The following DNAJC13 variants were observed in gnomAD, a reference collection of about 807,000 sequenced individuals.
The protein encoded by DNAJC13 is DnaJ heat shock protein family (Hsp40) member C13, also known as dnaJ homolog subfamily C member 13.
DNAJC13 carries 75 observed loss-of-function variants against 290.5 expected under a neutral mutation model. That is an observed-to-expected ratio of 0.26 (90% CI 0.21 to 0.31). DNAJC13 has a LOEUF of 0.31. DNAJC13 is among the 10% of genes least tolerant of loss of function. The pLI is 1.00. For synonymous variants in DNAJC13, 862 were observed against 892.0 expected (o/e 0.97, Z 0.60); for missense variants, 2,260 against 2,674.5 (o/e 0.85, Z 3.42).
At chr3:132,420,500 G>T (rs574469795) in intron 1 of DNAJC13, among the ~76,000 whole-genome samples, 2 of 152,164 alleles carry the variant, frequency 1.3e-5, no homozygotes, top group African/African-American at 4.8e-5. Context: ...TGAGATTCAG[G>T]AACACAGTGT....
intron 48 of DNAJC13, 148 bp from the exon 49 acceptor site, chr3:132,522,680 T>C (rs1358907146): frequency 1.6e-6 from 1 of 625,656 alleles, no homozygotes; most frequent in Non-Finnish European, 2.6e-6. Context: ...GATTATCTTT[T>C]TCACTCCAGA....
At chr3:132,466,429 G>C (rs1318632000) in intron 19 of DNAJC13, 35 bp downstream of exon 19, 9 of 1,524,004 alleles carry the variant, frequency 5.9e-6, no homozygotes, top group Middle Eastern at 1.8e-4. Flanking sequence ...CCTTTTTTAG[G>C]AGTAAGGGTA....
intron 48 of DNAJC13, among the ~76,000 whole-genome samples, chr3:132,518,477 C>G (rs1232401237): frequency 2.0e-5 from 3 of 152,116 alleles, no homozygotes; most frequent in Non-Finnish European, 2.9e-5. Flanking sequence ...CTCAGCCTCC[C>G]AAGTAGCTGG....
At chr3:132,451,819 G>T (rs1259600421) in intron 6 of DNAJC13, among the ~76,000 whole-genome samples, 1 of 152,172 alleles carries the variant, frequency 6.6e-6, no homozygotes, top group Non-Finnish European at 1.5e-5. Flanking sequence ...AATGATGGGG[G>T]CTAGATAATC....
chr3:132,489,772 G>A (rs1189080612), intron 31 of DNAJC13, among the ~76,000 whole-genome samples: 4 of 151,968 alleles, frequency 2.6e-5, no homozygotes, highest in Admixed American at 2.6e-4. Flanking sequence ...TAACCCATTT[G>A]TCTAATATTA....
At chr3:132,471,307 T>C (rs1452558808) in intron 20 of DNAJC13, among the ~76,000 whole-genome samples, 1 of 117,444 alleles carries the variant, frequency 8.5e-6, no homozygotes, top group African/African-American at 3.3e-5. Context: ...ACCCCCCACC[T>C]CCCTCCCGGA....
At chr3:132,424,445 C>T (rs575554249) in intron 1 of DNAJC13, among the ~76,000 whole-genome samples, 70 of 152,200 alleles carry the variant, frequency 4.6e-4, no homozygotes, top group African/African-American at 1.6e-3. Context: ...GTCCCCTCCT[C>T]CCATTAAGTG....
Position 132,453,313 on chromosome 3 carries a change from G to C in DNAJC13, c.553G>C (p.Glu185Gln). Reference protein sequence around the residue: ...GFSRLHLFASEQREEIIKSAI... With the variant: ...GFSRLHLFASQQREEIIKSAI... ...ATTTGTGCAGCATTTATTTGCGTCA[G>C]AGCAAAGAGAAGAGATTATTAAAAG... Residue 185 changes from glutamate (E) to glutamine (Q), a missense_variant, in exon 7 of 56, where the codon GAG (glutamate) becomes CAG (glutamine). Glu to Gln is a conservative substitution (Grantham distance 29, BLOSUM62 2). Transcript: ENST00000260818. 6.2e-7 allele frequency: 1 copy of C among 1,613,348 alleles called. No individual in the cohort carries two copies. The highest frequency in any genetic ancestry group is 8.5e-7 in the Non-Finnish European group (1 of 1,179,734).
At chr3:132,500,512 T>C (rs372057545) in intron 38 of DNAJC13, among the ~76,000 whole-genome samples, 1 of 152,174 alleles carries the variant, frequency 6.6e-6, no homozygotes, top group East Asian at 1.9e-4. Flanking sequence ...TTACAGCCCT[T>C]TAAAAATCTA....
At chr3:132,424,150 T>C (rs1208567755) in intron 1 of DNAJC13, among the ~76,000 whole-genome samples, 1 of 152,188 alleles carries the variant, frequency 6.6e-6, no homozygotes, top group African/African-American at 2.4e-5. Context: ...TTTCAAAGCA[T>C]TGCTTAAGTG....
In DNAJC13 at chr3:132,523,623, A is replaced by G. The variant is rs1936163523; in HGVS notation, c.5970A>G (p.Ala1990=). The change falls in exon 51 of 56, where the codon GCA becomes GCG. Residue 1990 remains alanine, a synonymous_variant. Transcript: ENST00000260818. ...GAGTCTTCTTGAGGATCTTTATTGC[A>G]CAACCAGCCTGGGTTCTAAGAAAGC... The part of the protein sequence containing the change: ...VGGVFLRIFI[A]QPAWVLRKPR... 1.2e-6 allele frequency: 2 copies of G among 1,614,106 alleles called. No homozygotes were observed. Among genetic ancestry groups the G allele is most frequent in the South Asian group, 1.1e-5 (1 of 91,074 alleles).
chr3:132,537,374 A>G (rs1319090824), intron 55 of DNAJC13: 1 of 388,674 alleles, frequency 2.6e-6, no homozygotes, highest in Non-Finnish European at 5.2e-6. Flanking sequence ...AGCTAAAACT[A>G]TTGCTCAGTA....
At position 132,468,561 on chromosome 3, in the gene DNAJC13, T is replaced by A. The variant is rs1270014888; in HGVS notation, c.2208+1248T>A. 3.3e-5 allele frequency among the ~76,000 whole-genome samples: 5 copies of A among 152,212 alleles called. No homozygotes were observed. The East Asian group carries it at 9.6e-4, about 29-fold the overall frequency. On this transcript the variant is annotated intron_variant, in intron 20 of 55. Coordinates refer to ENST00000260818, the MANE Select transcript of DNAJC13 (RefSeq NM_015268.4). Reference sequence around the variant, plus strand: ...GTATAGTAAAGAGAATACTGAACTTTGAGTTGGTTAACTTCTGAGCCTAGT... The same window carrying A: ...GTATAGTAAAGAGAATACTGAACTTAGAGTTGGTTAACTTCTGAGCCTAGT...
At chr3:132,485,372 T>C (rs1934831382) in intron 29 of DNAJC13, among the ~76,000 whole-genome samples, 2 of 152,172 alleles carry the variant, frequency 1.3e-5, no homozygotes, top group South Asian at 4.1e-4. Context: ...ACTCCTGGCC[T>C]CAAATGATCC....
intron 29 of DNAJC13, among the ~76,000 whole-genome samples, chr3:132,486,516 T>G (rs1309718583): frequency 6.6e-6 from 1 of 152,196 alleles, no homozygotes; most frequent in African/African-American, 2.4e-5. Context: ...ACCAAAAATT[T>G]TCAGTAATAT....
At position 132,446,557 on chromosome 3, in the gene DNAJC13, C is replaced by T; in HGVS notation, c.144+7C>T. 3 of 1,578,536 alleles carry T rather than the reference C, an allele frequency of 1.9e-6. No individual in the cohort carries two copies. The highest frequency in any genetic ancestry group is 2.6e-6 in the Non-Finnish European group (3 of 1,160,832). The stretch of plus-strand genomic sequence containing the variant: ...CTTAGAAGTAACAAATCAGGTAATC[C>T]TGTTAGAAGCTGTTAGGTGTTTGTA... On this transcript the variant is annotated splice_region_variant and intron_variant, in intron 3 of 55. Transcript: ENST00000260818.
At chr3:132,505,232 A>AT in intron 41 of DNAJC13, 70 bp from the exon 42 acceptor site, 1 of 976,258 alleles carries the variant, frequency 1.0e-6, no homozygotes. Context: ...TATAATAGAC[A>AT]TTTTTAATAA....
chr3:132,522,766 C>T, intron 48 of DNAJC13, 62 bp from the exon 49 acceptor site: 1 of 1,367,600 alleles, frequency 7.3e-7, no homozygotes, highest in Non-Finnish European at 1.0e-6. Flanking sequence ...TAGCAAAATA[C>T]AAACAAAATA....
chr3:132,445,354 C>T (rs537296253), intron 2 of DNAJC13, among the ~76,000 whole-genome samples: 8 of 151,820 alleles, frequency 5.3e-5, no homozygotes, highest in Non-Finnish European at 1.0e-4. Flanking sequence ...TAATTGGTCA[C>T]GGTGTATTAC....
Sources: gnomAD v4.1 joint callset for allele counts (sites outside exome capture counted in the v4.1 genomes callset) on GRCh38, gnomAD v4.1.1 for gene constraint, MANE v1.5 for transcripts, NCBI Gene and HGNC (gene_info 2026-07-23, HGNC 2026-07-21) for gene names.